The following ZFAT variants were observed in gnomAD, a reference collection of about 807,000 sequenced individuals.
The protein encoded by ZFAT is zinc finger and AT-hook domain containing.
Under a neutral mutation model 117.7 loss-of-function variants are expected in ZFAT, and 64 were observed. The ratio of observed to expected loss-of-function variants is 0.54; its 90% CI spans 0.44 to 0.67. ZFAT has a LOEUF of 0.67. Ranked by LOEUF, ZFAT falls within the 30% of genes least tolerant of loss-of-function variation. The pLI is 0.00. For synonymous variants in ZFAT, 679 were observed against 615.0 expected, an observed-to-expected ratio of 1.10 and a Z score of -1.54; for missense variants, 1,433 against 1,584.5, an observed-to-expected ratio of 0.90 and a Z score of 1.62.
In ZFAT at chr8:134,505,951, G is replaced by C. The variant is rs141810631; in HGVS notation, c.3492+3668C>G. 2.3e-3 allele frequency among the ~76,000 whole-genome samples: 346 copies of C among 152,252 alleles called. 2 individuals carry two copies. Among genetic ancestry groups the C allele is most frequent in the African/African-American group, 7.8e-3 (325 of 41,530 alleles). On this transcript the variant is annotated intron_variant, in intron 15 of 15. Coordinates refer to ENST00000377838, the MANE Select transcript of ZFAT (RefSeq NM_020863.4). ...CTCAGTAAATGCCTGCTAAATGAGT[G>C]CCCGTCAACCATACATACAATGTTA...
Position 134,680,328 on chromosome 8 carries a change from C to G in ZFAT, c.20-22591G>C, listed in dbSNP as rs144132111. On this transcript the variant is annotated intron_variant, in intron 1 of 15. Coordinates refer to ENST00000377838, the MANE Select transcript of ZFAT (RefSeq NM_020863.4). ...GTGGGGAAAGAATGTAAAGAAAGCA[C>G]TGGATGATAGTTTGGCTAGAGCATA... Among the ~76,000 whole-genome samples, 99 of 150,156 alleles carry G rather than the reference C, an allele frequency of 6.6e-4. 1 individual carries two copies. In the East Asian group the frequency reaches 0.016, roughly 25 times the overall value.
chr8:134,663,601 G>A (rs1032918611), intron 1 of ZFAT, among the ~76,000 whole-genome samples: 11 of 152,080 alleles, frequency 7.2e-5, no homozygotes, highest in African/African-American at 2.7e-4. Flanking sequence ...AGCCGGGGGT[G>A]GGGGCATACA....
intron 7 of ZFAT, among the ~76,000 whole-genome samples, chr8:134,594,008 C>T: frequency 6.6e-6 from 1 of 152,214 alleles, no homozygotes; most frequent in East Asian, 1.9e-4. Context: ...CTGATTTGAA[C>T]AAGTTAGAAG....
chr8:134,551,594 C>G (rs1171604091), intron 11 of ZFAT, among the ~76,000 whole-genome samples: 2 of 152,334 alleles, frequency 1.3e-5, no homozygotes, highest in Non-Finnish European at 2.9e-5. Context: ...GGTGCTGAGA[C>G]TCTGAGACGA....
the ZFAT span, among the ~76,000 whole-genome samples, chr8:134,823,584 G>A: frequency 6.6e-6 from 1 of 152,202 alleles, no homozygotes; most frequent in African/African-American, 2.4e-5. Flanking sequence ...TGAGAGACAG[G>A]AGAGTGATAG....
intron 1 of ZFAT, chr8:134,674,680 C>A (rs1018678775): frequency 8.3e-5 from 14 of 168,006 alleles, no homozygotes; most frequent in Non-Finnish European, 1.6e-4. Context: ...GACCTCCCCA[C>A]CCCGTGTATC....
chr8:134,737,812 C>G, the ZFAT span, among the ~76,000 whole-genome samples: 1 of 152,208 alleles, frequency 6.6e-6, no homozygotes, highest in Non-Finnish European at 1.5e-5. Flanking sequence ...GAACCTCTAT[C>G]TCTCGGCTCC....
At chr8:134,676,846 A>G (rs1832829965) in intron 1 of ZFAT, among the ~76,000 whole-genome samples, 1 of 152,224 alleles carries the variant, frequency 6.6e-6, no homozygotes, top group African/African-American at 2.4e-5. Flanking sequence ...CTGAATGACT[A>G]CTGGGTACAT....
intron 12 of ZFAT, among the ~76,000 whole-genome samples, chr8:134,524,261 C>T (rs1231157326): frequency 6.6e-6 from 1 of 152,126 alleles, no homozygotes; most frequent in Non-Finnish European, 1.5e-5. Context: ...CCTTCACAGC[C>T]AGGATTCTGT....
At chr8:134,716,390 A>C (rs112254339), upstream of ZFAT, among the ~76,000 whole-genome samples, 233 of 152,314 alleles carry the variant, frequency 1.5e-3, 1 homozygote, top group African/African-American at 5.4e-3. Context: ...TAATTACAAG[A>C]TTAGGAAACA....
chr8:134,583,223 AC>A (rs1190293042), intron 10 of ZFAT, among the ~76,000 whole-genome samples: 1 of 151,614 alleles, frequency 6.6e-6, no homozygotes, highest in Admixed American at 6.6e-5. Context: ...TAGATTACGA[AC>A]TCCTTGAACG....
chr8:134,621,872 ACT>A (rs989193420), intron 3 of ZFAT, among the ~76,000 whole-genome samples: 1 of 152,222 alleles, frequency 6.6e-6, no homozygotes, highest in African/African-American at 2.4e-5. Context: ...ACAAAAAGTC[ACT>A]GTTTTGAGAA....
At chr8:134,809,471 C>T in the ZFAT span, among the ~76,000 whole-genome samples, 2 of 152,222 alleles carry the variant, frequency 1.3e-5, no homozygotes, top group East Asian at 1.9e-4. Flanking sequence ...CTGGTTTGTC[C>T]GGGACTGTGA....
chr8:134,803,787 C>T, the ZFAT span, among the ~76,000 whole-genome samples: 3 of 151,992 alleles, frequency 2.0e-5, no homozygotes, highest in Admixed American at 2.0e-4. Flanking sequence ...CTGTTTATAA[C>T]AGGAAAAAAT....
rs1005755799 is a variant in ZFAT, at chr8:134,682,953, T to C, written c.20-25216A>G. Among the ~76,000 whole-genome samples, 3 of 152,232 alleles carry C rather than the reference T, an allele frequency of 2.0e-5. 1 individual carries two copies. Among genetic ancestry groups the C allele is most frequent in the East Asian group, 1.9e-4 (1 of 5,194 alleles). On this transcript the variant is annotated intron_variant, in intron 1 of 15. Coordinates refer to ENST00000377838, the MANE Select transcript of ZFAT (RefSeq NM_020863.4). ...TTCGTACTCCCTCTCACATTTGATCTGGACAAGCTGGGTTGCTGCTAGCCC... is the reference window on the plus strand; with the variant it reads ...TTCGTACTCCCTCTCACATTTGATCCGGACAAGCTGGGTTGCTGCTAGCCC...
intron 1 of ZFAT, among the ~76,000 whole-genome samples, chr8:134,712,521 C>T (rs1417341488): frequency 6.6e-6 from 1 of 152,056 alleles, no homozygotes; most frequent in Non-Finnish European, 1.5e-5. Context: ...CGCCGGGATT[C>T]GAACCTCGCG....
At chr8:134,644,178 G>A (rs970952904) in intron 2 of ZFAT, among the ~76,000 whole-genome samples, 1 of 152,102 alleles carries the variant, frequency 6.6e-6, no homozygotes, top group Non-Finnish European at 1.5e-5. Flanking sequence ...CAGCCTGTGG[G>A]CCCCTCCTGC....
chr8:134,737,194 C>G, the ZFAT span, among the ~76,000 whole-genome samples: 1 of 152,106 alleles, frequency 6.6e-6, no homozygotes, highest in South Asian at 2.1e-4. Flanking sequence ...GCAGGAGAAT[C>G]GCTTGAACCT....
the ZFAT span, among the ~76,000 whole-genome samples, chr8:134,782,668 C>T: frequency 3.3e-5 from 5 of 152,078 alleles, no homozygotes; most frequent in East Asian, 9.7e-4. Flanking sequence ...ATAAGGGAAA[C>T]CCCCTTTGCT....
Sources: allele counts gnomAD v4.1 joint callset (sites outside exome capture counted in the v4.1 genomes callset), GRCh38; gene constraint gnomAD v4.1.1; transcripts MANE v1.5; gene names NCBI Gene and HGNC (gene_info 2026-07-23, HGNC 2026-07-21).